SOX6: variants seen among roughly 807,000 people sequenced by gnomAD.
The protein encoded by SOX6 is SRY-box transcription factor 6.
Under a neutral mutation model 97.8 loss-of-function variants are expected in SOX6, and 11 were observed. The ratio of observed to expected loss-of-function variants is 0.11; its 90% CI spans 0.07 to 0.19. The LOEUF is 0.19. Ranked by LOEUF, SOX6 falls within the 10% of genes least tolerant of loss-of-function variation. SOX6 has a pLI of 1.00. For missense variants in SOX6, 810 were observed against 1,039.5 expected (o/e 0.78, Z 3.04); for synonymous variants, 360 against 371.4 (o/e 0.97, Z 0.35).
intron 4 of SOX6, among the ~76,000 whole-genome samples, chr11:16,551,783 T>G (rs1847690671): frequency 6.6e-6 from 1 of 151,926 alleles, no homozygotes; most frequent in African/African-American, 2.4e-5. Context: ...TTTGTATTTT[T>G]TTAGTAGAGA....
At chr11:16,543,255 AT>A (rs1315135924) in intron 4 of SOX6, among the ~76,000 whole-genome samples, 1 of 152,154 alleles carries the variant, frequency 6.6e-6, no homozygotes, top group Non-Finnish European at 1.5e-5. Context: ...CTTGGAATAC[AT>A]TTACTGTGTA....
At chr11:16,619,937 T>C (rs1458289337) in intron 3 of SOX6, among the ~76,000 whole-genome samples, 1 of 152,144 alleles carries the variant, frequency 6.6e-6, no homozygotes, top group Admixed American at 6.5e-5. Context: ...GTAAAACATA[T>C]TGATGTATTT....
chr11:16,606,905 G>C (rs1264491507), intron 4 of SOX6, among the ~76,000 whole-genome samples: 1 of 152,166 alleles, frequency 6.6e-6, no homozygotes, highest in Non-Finnish European at 1.5e-5. Flanking sequence ...CTCCAAGAGG[G>C]GGACGCATCC....
intron 1 of SOX6, among the ~76,000 whole-genome samples, chr11:16,387,171 C>G (rs1858012743): frequency 6.6e-6 from 1 of 152,274 alleles, no homozygotes; most frequent in South Asian, 2.1e-4. Context: ...ACTATTGATG[C>G]CTGGGTCCCA....
intron 4 of SOX6, among the ~76,000 whole-genome samples, chr11:16,553,751 G>A (rs1297616456): frequency 6.6e-6 from 1 of 152,006 alleles, no homozygotes; most frequent in Non-Finnish European, 1.5e-5. Flanking sequence ...AAAATTAACA[G>A]TAAATAAAAT....
chr11:16,301,321 G>A (rs1855250263), intron 3 of SOX6, among the ~76,000 whole-genome samples: 1 of 152,152 alleles, frequency 6.6e-6, no homozygotes, highest in Non-Finnish European at 1.5e-5. Context: ...CTAAAAATAT[G>A]TTACCCAGTC....
intron 4 of SOX6, among the ~76,000 whole-genome samples, chr11:16,513,564 C>T (rs1261108941): frequency 1.3e-5 from 2 of 152,132 alleles, no homozygotes; most frequent in African/African-American, 4.8e-5. Flanking sequence ...ACCCGGGAGG[C>T]GGAGGTTGCA....
At chr11:16,323,118 TA>T (rs1445559051) in intron 2 of SOX6, among the ~76,000 whole-genome samples, 1 of 152,086 alleles carries the variant, frequency 6.6e-6, no homozygotes, top group African/African-American at 2.4e-5. Flanking sequence ...AAATATGATT[TA>T]AAAGTATCCT....
At chr11:16,516,886 T>A (rs1860983122) in intron 4 of SOX6, among the ~76,000 whole-genome samples, 1 of 149,508 alleles carries the variant, frequency 6.7e-6, no homozygotes, top group Non-Finnish European at 1.5e-5. Context: ...AAAAGAGAAT[T>A]TTAGATCAAT....
chr11:16,570,608 C>G (rs891017704), intron 4 of SOX6, among the ~76,000 whole-genome samples: 8 of 152,172 alleles, frequency 5.3e-5, no homozygotes, highest in Admixed American at 4.6e-4. Flanking sequence ...CTTGGGAGCA[C>G]TATTGATCAA....
chr11:16,453,089 C>T (rs558510483), intron 1 of SOX6, among the ~76,000 whole-genome samples: 17 of 152,234 alleles, frequency 1.1e-4, no homozygotes, highest in Admixed American at 2.0e-4. Context: ...AATTTTTATT[C>T]CCATACTCCT....
intron 4 of SOX6, among the ~76,000 whole-genome samples, chr11:16,507,057 C>G (rs1860800228): frequency 6.6e-6 from 1 of 151,992 alleles, no homozygotes; most frequent in Non-Finnish European, 1.5e-5. Context: ...GAGAGAAACT[C>G]TGTCTCAAAA....
At chr11:15,992,138 G>A (rs1015034006) in intron 13 of SOX6, among the ~76,000 whole-genome samples, 1 of 152,176 alleles carries the variant, frequency 6.6e-6, no homozygotes. Context: ...GAGAAGAATA[G>A]AAAATGCTTT....
chr11:16,181,398 A>G (rs1282794480), intron 6 of SOX6, among the ~76,000 whole-genome samples: 1 of 151,496 alleles, frequency 6.6e-6, no homozygotes, highest in Non-Finnish European at 1.5e-5. Context: ...TTCAAATGAG[A>G]AAGTGTTTCT....
chr11:16,322,090 A>T (rs1302862866), intron 2 of SOX6, among the ~76,000 whole-genome samples: 2 of 152,114 alleles, frequency 1.3e-5, no homozygotes, highest in Admixed American at 1.3e-4. Context: ...ATTAAGAAAA[A>T]AAGCCCAGAT....
At chr11:16,284,702 G>A (rs1368688031) in intron 3 of SOX6, among the ~76,000 whole-genome samples, 1 of 152,034 alleles carries the variant, frequency 6.6e-6, no homozygotes, top group African/African-American at 2.4e-5. Flanking sequence ...GAAGAGCTAT[G>A]ATCCAGGAAG....
At chr11:16,512,370 T>C (rs1311518033) in intron 4 of SOX6, among the ~76,000 whole-genome samples, 1 of 152,194 alleles carries the variant, frequency 6.6e-6, no homozygotes, top group Non-Finnish European at 1.5e-5. Flanking sequence ...CTCTATGACA[T>C]CACATCTTTG....
At chr11:16,677,958 A>T (rs1847897520) in intron 3 of SOX6, among the ~76,000 whole-genome samples, 2 of 152,196 alleles carry the variant, frequency 1.3e-5, no homozygotes, top group Non-Finnish European at 2.9e-5. Flanking sequence ...TTTCAATTTC[A>T]TCTAAGCTAT....
intron 6 of SOX6, among the ~76,000 whole-genome samples, chr11:16,132,451 AGAAAG>A (rs1564972694): frequency 1.7e-4 from 20 of 114,368 alleles, no homozygotes; most frequent in African/African-American, 4.2e-4. Context: ...GAAAAAAGAA[AGAAAG>A]AAAGAAAGAA....
Sources: gnomAD v4.1 joint callset for allele counts (sites outside exome capture counted in the v4.1 genomes callset) on GRCh38, gnomAD v4.1.1 for gene constraint, MANE v1.5 for transcripts, NCBI Gene and HGNC (gene_info 2026-07-23, HGNC 2026-07-21) for gene names.